Variants in USP34 observed in about 807,000 individuals in gnomAD.
The protein encoded by USP34 is ubiquitin carboxyl-terminal hydrolase 34.
In USP34, 70 loss-of-function variants were observed where a neutral mutation model predicts 460.3. The observed-to-expected ratio is 0.15, with a 90% CI of 0.13 to 0.19. The LOEUF (loss-of-function observed/expected upper bound fraction) is 0.19. Ranked by LOEUF, USP34 falls within the 10% of genes least tolerant of loss-of-function variation. The pLI, the probability that USP34 is intolerant of heterozygous loss-of-function variation, is 1.00. For synonymous variants in USP34, 1,647 were observed against 1,405.3 expected (o/e 1.17, Z -3.85); for missense variants, 3,985 against 4,236.2 (o/e 0.94, Z 1.65).
intron 28 of USP34, 92 bp downstream of exon 28, chr2:61,301,258 AAAGC>A (rs1203687044): frequency 1.3e-5 from 19 of 1,511,766 alleles, no homozygotes; most frequent in Non-Finnish European, 1.7e-5. Flanking sequence ...TTAATATAAC[AAAGC>A]AATAAGAGCT....
intron 23 of USP34, among the ~76,000 whole-genome samples, chr2:61,316,356 G>T (rs140875929): frequency 6.6e-6 from 1 of 152,016 alleles, no homozygotes; most frequent in East Asian, 1.9e-4. Flanking sequence ...AGGCCAAGGC[G>T]GGTGGAAAAC....
At chr2:61,373,643 T>C (rs1338962985) in intron 8 of USP34, among the ~76,000 whole-genome samples, 1 of 152,170 alleles carries the variant, frequency 6.6e-6, no homozygotes, top group Non-Finnish European at 1.5e-5. Flanking sequence ...CAAAAACTGA[T>C]GACAGAATTA....
chr2:61,293,516 T>C lies in USP34; in HGVS notation c.4496A>G (p.Glu1499Gly). 1.9e-6 allele frequency: 3 copies of C among 1,612,988 alleles called. No homozygotes were observed. The highest frequency in any genetic ancestry group is 1.3e-5 in the African/African-American group (1 of 75,004). ...VAAGGLQQLL[E>G]IFNSGILEPK... ...CTCTAGAATTCCAGAATTAAAAATTTCTAATAACTGTTGAAGCCCTCCAGC... is the reference window on the plus strand; with the variant it reads ...CTCTAGAATTCCAGAATTAAAAATTCCTAATAACTGTTGAAGCCCTCCAGC... The change falls in exon 33 of 80, where the codon GAA becomes GGA. Residue 1499 changes from glutamate (E) to glycine (G), a missense_variant. Transcript: ENST00000398571.
At chr2:61,279,473 C>CT (rs894417642) in intron 39 of USP34, among the ~76,000 whole-genome samples, 72 of 151,422 alleles carry the variant, frequency 4.8e-4, no homozygotes, top group Middle Eastern at 6.8e-3. Context: ...TTGAAATTTA[C>CT]TTTTTTTTTG....
chr2:61,327,842 A>G (rs1256502018), intron 20 of USP34, among the ~76,000 whole-genome samples: 2 of 152,208 alleles, frequency 1.3e-5, no homozygotes, highest in East Asian at 3.8e-4. Context: ...GGGCTTGTCC[A>G]TGGCTTCTGA....
rs780221092 is a variant in USP34 at position 61,391,129 on chromosome 2, CAA to C, written c.753+3722_753+3723del. Among the ~76,000 whole-genome samples the C allele has an allele frequency of 6.6e-5, 10 of 151,614 alleles. No homozygotes were observed. The East Asian group carries it at 7.8e-4, about 12-fold the overall frequency. On this transcript the variant is annotated intron_variant, in intron 5 of 79. Coordinates refer to ENST00000398571, the MANE Select transcript of USP34 (RefSeq NM_014709.4). ...CGAAAAAATAACACTCACCATCTGA[CAA>C]AGTTACCTTGCCTCAGTAAGAGTGA... is the stretch of plus-strand genomic sequence containing the variant.
At chr2:61,377,080 A>G (rs1419891791) in intron 8 of USP34, among the ~76,000 whole-genome samples, 2 of 152,246 alleles carry the variant, frequency 1.3e-5, no homozygotes, top group East Asian at 3.8e-4. Flanking sequence ...GATCACTGAC[A>G]AAGAATATTG....
chr2:61,206,718 C>T (rs990182851), intron 71 of USP34, 42 bp downstream of exon 71: 3 of 1,603,706 alleles, frequency 1.9e-6, no homozygotes, highest in South Asian at 2.2e-5. Flanking sequence ...TCTCTCTTTA[C>T]TAGTAGCACG....
intron 12 of USP34, among the ~76,000 whole-genome samples, chr2:61,349,922 C>T (rs780084935): frequency 4.6e-5 from 7 of 151,808 alleles, no homozygotes; most frequent in African/African-American, 7.3e-5. Flanking sequence ...GCAGAAAACA[C>T]AACAAGATAA....
intron 53 of USP34, among the ~76,000 whole-genome samples, chr2:61,237,807 G>A (rs1207839682): frequency 6.6e-6 from 1 of 150,770 alleles, no homozygotes; most frequent in Non-Finnish European, 1.5e-5. Flanking sequence ...AACTCCTGGG[G>A]TCAAGCAATC....
At chr2:61,287,379 G>C (rs1401179466) in intron 34 of USP34, among the ~76,000 whole-genome samples, 1 of 152,166 alleles carries the variant, frequency 6.6e-6, no homozygotes, top group Non-Finnish European at 1.5e-5. Context: ...TGTTGGAAAG[G>C]CAAATATTTG....
At chr2:61,343,103 C>T (rs753733044) in intron 16 of USP34, among the ~76,000 whole-genome samples, 4 of 152,188 alleles carry the variant, frequency 2.6e-5, no homozygotes, top group African/African-American at 7.2e-5. Context: ...GTAATCCATC[C>T]GGTTTACTTA....
chr2:61,426,004 A>G (rs1156972751), intron 1 of USP34, among the ~76,000 whole-genome samples: 2 of 151,936 alleles, frequency 1.3e-5, no homozygotes, highest in Admixed American at 1.3e-4. Context: ...ACTCCCAGAC[A>G]TTTCTACACA....
chr2:61,418,001 A>G (rs1666861104), intron 2 of USP34, among the ~76,000 whole-genome samples: 1 of 151,942 alleles, frequency 6.6e-6, no homozygotes, highest in Non-Finnish European at 1.5e-5. Context: ...TGGGCCTCCC[A>G]AAGTGCTGGG....
intron 62 of USP34, among the ~76,000 whole-genome samples, chr2:61,224,422 T>G (rs772802930): frequency 6.6e-6 from 1 of 152,238 alleles, no homozygotes; most frequent in Admixed American, 6.5e-5. Context: ...CAGTATCTTG[T>G]AGAAGGCACA....
chr2:61,379,378 G>C (rs1280164525), intron 7 of USP34, among the ~76,000 whole-genome samples: 2 of 152,068 alleles, frequency 1.3e-5, no homozygotes, highest in Non-Finnish European at 1.5e-5. Flanking sequence ...AAATTAGCTG[G>C]GTGTTGTGGC....
intron 32 of USP34, among the ~76,000 whole-genome samples, chr2:61,294,285 G>A (rs1253996122): frequency 6.6e-6 from 1 of 151,872 alleles, no homozygotes; most frequent in African/African-American, 2.4e-5. Flanking sequence ...GGCGGAGCTT[G>A]CAGCAAGCAG....
At chr2:61,275,929 A>G (rs1013076282) in intron 41 of USP34, among the ~76,000 whole-genome samples, 2 of 152,226 alleles carry the variant, frequency 1.3e-5, no homozygotes, top group African/African-American at 4.8e-5. Flanking sequence ...AAAAATAGTA[A>G]TAATAAAGAG....
chr2:61,424,297 G>C (rs939858231), intron 1 of USP34, among the ~76,000 whole-genome samples: 2 of 152,158 alleles, frequency 1.3e-5, no homozygotes, highest in African/African-American at 4.8e-5. Flanking sequence ...GTAAGTATTT[G>C]CATATCTAAA....
Sources: allele counts gnomAD v4.1 joint callset (sites outside exome capture counted in the v4.1 genomes callset), GRCh38; gene constraint gnomAD v4.1.1; transcripts MANE v1.5; gene names NCBI Gene and HGNC (gene_info 2026-07-23, HGNC 2026-07-21).